Variants in MEG3 observed in about 807,000 individuals in gnomAD.
MEG3 encodes maternally expressed 3, also known as Very putative protein from MEG3 locus.
chr14:100,830,266 TTAA>T (rs2037358601), downstream of MEG3: 1 of 151,960 alleles, frequency 6.6e-6, no homozygotes, highest in African/African-American at 2.4e-5. Flanking sequence ...GCTTCACCTT[TTAA>T]TAACAGTGTG....
chr14:100,850,769 A>G (rs1208639446), intron 3 of MEG3: 1 of 152,290 alleles, frequency 6.6e-6, no homozygotes, highest in Non-Finnish European at 1.5e-5. Context: ...CCTTTAGGCC[A>G]AAGGCTATGA....
intron 2 of MEG3, among the ~76,000 whole-genome samples, chr14:100,842,468 T>A (rs2037789049): frequency 6.6e-6 from 1 of 152,146 alleles, no homozygotes; most frequent in Non-Finnish European, 1.5e-5. Context: ...CATAAATGGG[T>A]CTGTAATGTC....
intron 2 of MEG3, among the ~76,000 whole-genome samples, chr14:100,840,087 G>A (rs1179161912): frequency 1.3e-5 from 2 of 152,234 alleles, no homozygotes; most frequent in Non-Finnish European, 1.5e-5. Context: ...TGGGGCCGCC[G>A]TGGGCCTCCC....
downstream of MEG3, chr14:100,831,991 C>T (rs1020043423): frequency 1.3e-5 from 2 of 151,920 alleles, no homozygotes; most frequent in African/African-American, 4.8e-5. Flanking sequence ...ACTGGAGGCA[C>T]CACTAGATTT....
At chr14:100,841,641 G>A (rs1318990007) in intron 2 of MEG3, among the ~76,000 whole-genome samples, 2 of 152,004 alleles carry the variant, frequency 1.3e-5, no homozygotes, top group Non-Finnish European at 1.5e-5. Flanking sequence ...GTGTGGTCGG[G>A]GGGGGTCACA....
intron 1 of MEG3, chr14:100,835,988 CT>C (rs138334297): frequency 0.037 from 12,715 of 343,288 alleles, 412 homozygotes; most frequent in East Asian, 0.083. Context: ...GGGGCTGCCC[CT>C]AACCCAGCCC....
chr14:100,831,740 C>T (rs957084488), downstream of MEG3: 3 of 152,218 alleles, frequency 2.0e-5, no homozygotes, highest in African/African-American at 7.2e-5. Context: ...ACTTCTGGAC[C>T]TGCTTCTTAC....
downstream of MEG3, chr14:100,833,237 C>T (rs908799800): frequency 6.6e-6 from 1 of 152,222 alleles, no homozygotes; most frequent in African/African-American, 2.4e-5. Context: ...TTAAAACTCA[C>T]ATCTGGGAGT....
chr14:100,839,683 GC>G (rs1202954499), intron 2 of MEG3, among the ~76,000 whole-genome samples: 1 of 152,148 alleles, frequency 6.6e-6, no homozygotes, highest in Non-Finnish European at 1.5e-5. Context: ...AGTGTGGGGG[GC>G]CCTCGGGGCT....
chr14:100,857,721 G>C (rs2038283734), exon 1 of MEG3: 1 of 152,234 alleles, frequency 6.6e-6, no homozygotes, highest in Admixed American at 6.5e-5. Context: ...GGGCCGTTGT[G>C]CTTTGGGGTT....
At chr14:100,844,328 G>A (rs545062769) in intron 2 of MEG3, among the ~76,000 whole-genome samples, 33 of 152,278 alleles carry the variant, frequency 2.2e-4, no homozygotes, top group African/African-American at 6.0e-4. Context: ...TCCTGGCCCA[G>A]CCCCTGGCTG....
chr14:100,838,938 C>T (rs1010284794), intron 2 of MEG3, among the ~76,000 whole-genome samples: 1 of 152,164 alleles, frequency 6.6e-6, no homozygotes, highest in Non-Finnish European at 1.5e-5. Context: ...AGTTGTGATT[C>T]AAACCCCAAA....
At chr14:100,848,450 T>A (rs1235978128) in intron 3 of MEG3, 4 of 152,202 alleles carry the variant, frequency 2.6e-5, no homozygotes, top group African/African-American at 9.7e-5. Flanking sequence ...GGTGAATGCA[T>A]GAATGATTGA....
At chr14:100,857,101 G>T (rs2038264807), upstream of MEG3, 1 of 152,180 alleles carries the variant, frequency 6.6e-6, no homozygotes, top group Non-Finnish European at 1.5e-5. Flanking sequence ...TTTACTAAGA[G>T]ATTATTATTT....
chr14:100,860,719 C>T, intron 1 of MEG3: 1 of 456,636 alleles, frequency 2.2e-6, no homozygotes, highest in Non-Finnish European at 4.4e-6. Flanking sequence ...CACCCTGCAC[C>T]TATTCCCACG....
intron 1 of MEG3, among the ~76,000 whole-genome samples, chr14:100,826,638 A>G (rs975656513): frequency 6.6e-6 from 1 of 152,022 alleles, no homozygotes; most frequent in Non-Finnish European, 1.5e-5. Flanking sequence ...TGCGTGCCCC[A>G]TGAATTAGGG....
chr14:100,834,558 G>C, exon 1 of MEG3: 1 of 394,528 alleles, frequency 2.5e-6, no homozygotes, highest in Non-Finnish European at 5.1e-6. Context: ...TTGAGTCCCT[G>C]CTTTTTCTGC....
intron 2 of MEG3, among the ~76,000 whole-genome samples, chr14:100,838,151 C>A (rs1234372542): frequency 6.6e-6 from 1 of 152,124 alleles, no homozygotes; most frequent in Non-Finnish European, 1.5e-5. Flanking sequence ...GCCCTCAGCT[C>A]TTGGACTGGT....
Position 100,837,389 on chromosome 14 carries a change from G to C in MEG3, n.3045+1089G>C, listed in dbSNP as rs573924452. 3.6e-3 allele frequency among the ~76,000 whole-genome samples: 551 copies of C among 152,302 alleles called. 4 individuals are homozygous for C. The highest frequency in any genetic ancestry group is 0.012 in the African/African-American group (513 of 41,564). On this transcript the variant is annotated intron_variant and non_coding_transcript_variant, in intron 2 of 3. Coordinates refer to the MEG3 transcript ENST00000398461. This position sits in a 1 kb window ranked among gnomAD's most constrained non-coding sequence, Gnocchi z 5.8. ...ACGCCCCTGGGGTGGCCATTGTGGTGAATGAGTGCAGTTAGACTTCCCAGA... is the reference window on the plus strand; with the variant it reads ...ACGCCCCTGGGGTGGCCATTGTGGTCAATGAGTGCAGTTAGACTTCCCAGA...
Sources: allele counts gnomAD v4.1 joint callset (sites outside exome capture counted in the v4.1 genomes callset), GRCh38; gene constraint gnomAD v4.1.1; non-coding constraint Gnocchi (gnomAD v3.1); transcripts MANE v1.5; gene names NCBI Gene and HGNC (gene_info 2026-07-23, HGNC 2026-07-21).